The following PTPRT variants were observed in gnomAD, a reference collection of about 807,000 sequenced individuals.
The protein encoded by PTPRT is receptor-type tyrosine-protein phosphatase T.
Under a neutral mutation model 176.8 loss-of-function variants are expected in PTPRT, and 56 were observed. The ratio of observed to expected loss-of-function variants is 0.32; its 90% CI spans 0.26 to 0.40. The LOEUF (loss-of-function observed/expected upper bound fraction) is 0.40, where lower values mean the gene tolerates loss of function less well. Ranked by LOEUF, PTPRT falls within the 10% of genes least tolerant of loss-of-function variation. PTPRT has a pLI of 1.00. For synonymous variants in PTPRT, 783 were observed against 739.0 expected (o/e 1.06, Z -0.96); for missense variants, 1,540 against 1,908.2 (o/e 0.81, Z 3.60).
At chr20:42,446,141 A>T (rs2070728740) in intron 9 of PTPRT, among the ~76,000 whole-genome samples, 1 of 152,132 alleles carries the variant, frequency 6.6e-6, no homozygotes, top group Non-Finnish European at 1.5e-5. Flanking sequence ...CAGAGATATG[A>T]CTCCACCTGC....
At chr20:42,238,600 T>C (rs1015465898) in intron 14 of PTPRT, among the ~76,000 whole-genome samples, 1 of 152,224 alleles carries the variant, frequency 6.6e-6, no homozygotes, top group Non-Finnish European at 1.5e-5. Flanking sequence ...TGAAGACTTA[T>C]AGGACACCTG....
intron 27 of PTPRT, among the ~76,000 whole-genome samples, chr20:42,095,766 G>A (rs1049164372): frequency 3.3e-5 from 5 of 152,096 alleles, no homozygotes. Flanking sequence ...TTTATGCCTC[G>A]CTTTGTCTGT....
intron 17 of PTPRT, among the ~76,000 whole-genome samples, chr20:42,153,489 G>T (rs1036010573): frequency 2.6e-5 from 4 of 152,074 alleles, no homozygotes; most frequent in Non-Finnish European, 5.9e-5. Context: ...TTGCTCACTT[G>T]GTTGGGGGAG....
the PTPRT span, among the ~76,000 whole-genome samples, chr20:42,053,604 G>A: frequency 6.6e-6 from 1 of 152,206 alleles, no homozygotes; most frequent in African/African-American, 2.4e-5. Flanking sequence ...CAAGATGCAT[G>A]GAGGAGAGCT....
At chr20:42,982,304 C>T (rs1983329283) in intron 1 of PTPRT, among the ~76,000 whole-genome samples, 1 of 152,170 alleles carries the variant, frequency 6.6e-6, no homozygotes, top group African/African-American at 2.4e-5. Flanking sequence ...ATCCATCTGT[C>T]CTCACAGAGC....
chr20:42,881,495 C>T (rs1054999365), intron 2 of PTPRT, among the ~76,000 whole-genome samples: 4 of 151,942 alleles, frequency 2.6e-5, no homozygotes, highest in Non-Finnish European at 5.9e-5. Context: ...GAGGCCGAGG[C>T]GGAAGGATCA....
intron 9 of PTPRT, among the ~76,000 whole-genome samples, chr20:42,380,593 C>A (rs143329583): frequency 6.3e-4 from 96 of 152,294 alleles, no homozygotes; most frequent in African/African-American, 2.1e-3. Flanking sequence ...AACAGAGAAG[C>A]CCCAGGAAAG....
At chr20:43,090,319 G>C (rs1600705091) in intron 1 of PTPRT, among the ~76,000 whole-genome samples, 1 of 150,874 alleles carries the variant, frequency 6.6e-6, no homozygotes, top group South Asian at 2.1e-4. Flanking sequence ...CCAGGCTGGA[G>C]TGCAGTGGCG....
intron 23 of PTPRT, 101 bp from the exon 24 acceptor site, chr20:42,107,022 G>A: frequency 4.2e-6 from 6 of 1,430,402 alleles, no homozygotes; most frequent in Non-Finnish European, 5.7e-6. Flanking sequence ...CCTGCTGGGA[G>A]GCTCTAGATT....
chr20:42,500,241 C>A (rs563290483), intron 7 of PTPRT, among the ~76,000 whole-genome samples: 1 of 152,160 alleles, frequency 6.6e-6, no homozygotes, highest in South Asian at 2.1e-4. Context: ...TGAATTTCCA[C>A]AAACTTCACC....
chr20:42,043,527 T>C, the PTPRT span, among the ~76,000 whole-genome samples: 1 of 152,212 alleles, frequency 6.6e-6, no homozygotes, highest in African/African-American at 2.4e-5. Context: ...TTTACCTTTC[T>C]GTGATGACTC....
intron 7 of PTPRT, among the ~76,000 whole-genome samples, chr20:42,670,750 G>A (rs1176886315): frequency 2.0e-5 from 3 of 152,244 alleles, no homozygotes; most frequent in Admixed American, 6.5e-5. Context: ...CAAGGGGGAC[G>A]GGCTAAGATT....
intron 7 of PTPRT, among the ~76,000 whole-genome samples, chr20:42,487,544 G>A (rs1468938626): frequency 1.3e-5 from 2 of 151,968 alleles, no homozygotes; most frequent in East Asian, 1.9e-4. Flanking sequence ...GATTATCCGG[G>A]TGGGCCCCAT....
intron 15 of PTPRT, among the ~76,000 whole-genome samples, chr20:42,214,685 C>A (rs2055726797): frequency 6.6e-6 from 1 of 152,162 alleles, no homozygotes; most frequent in South Asian, 2.1e-4. Flanking sequence ...TCCTACCAAT[C>A]ACACTCTTTC....
At chr20:42,292,562 C>A (rs140446061) in intron 12 of PTPRT, among the ~76,000 whole-genome samples, 1 of 152,092 alleles carries the variant, frequency 6.6e-6, no homozygotes, top group Non-Finnish European at 1.5e-5. Flanking sequence ...CAAGGTTACA[C>A]GTATAATAAG....
At chr20:42,725,009 T>TTGTGTGTGTGTGTGTGTGTGTG (rs147376328) in intron 6 of PTPRT, among the ~76,000 whole-genome samples, 9 of 133,956 alleles carry the variant, frequency 6.7e-5, no homozygotes, top group African/African-American at 2.4e-4. Context: ...TGGACATCTT[T>TTGTGTGTGTGTGTGTGTGTGTG]TGTGTGTGTG....
intron 9 of PTPRT, among the ~76,000 whole-genome samples, chr20:42,353,682 T>C (rs955208615): frequency 6.6e-6 from 1 of 152,218 alleles, no homozygotes; most frequent in Admixed American, 6.5e-5. Context: ...GAGTGTCACA[T>C]CTTGAAATTA....
intron 18 of PTPRT, among the ~76,000 whole-genome samples, chr20:42,134,143 C>T (rs896430294): frequency 6.6e-6 from 1 of 152,080 alleles, no homozygotes; most frequent in Non-Finnish European, 1.5e-5. Context: ...ATTCTGTGTC[C>T]CCTTCTTCTT....
chr20:42,239,580 G>A (rs1317323367), intron 14 of PTPRT, among the ~76,000 whole-genome samples: 3 of 151,704 alleles, frequency 2.0e-5, no homozygotes, highest in Non-Finnish European at 2.9e-5. Flanking sequence ...CCACCACCAC[G>A]CCTGGCTAAT....
Sources: allele counts gnomAD v4.1 joint callset (sites outside exome capture counted in the v4.1 genomes callset), GRCh38; gene constraint gnomAD v4.1.1; transcripts MANE v1.5; gene names NCBI Gene and HGNC (gene_info 2026-07-23, HGNC 2026-07-21).